BICC1: variants seen among roughly 807,000 people sequenced by gnomAD.
BICC1 encodes BicC family RNA binding protein 1, also known as protein bicaudal C homolog 1.
Under a neutral mutation model 111.0 loss-of-function variants are expected in BICC1, and 43 were observed. The observed-to-expected ratio is 0.39, with a 90% CI of 0.30 to 0.50. BICC1 has a LOEUF of 0.50. Ranked by LOEUF, BICC1 falls within the 20% of genes least tolerant of loss-of-function variation. The pLI is 0.88. For synonymous variants in BICC1, 467 were observed against 434.4 expected, an observed-to-expected ratio of 1.07 and a Z score of -0.93; for missense variants, 1,091 against 1,203.2, an observed-to-expected ratio of 0.91 and a Z score of 1.38.
intron 3 of BICC1, among the ~76,000 whole-genome samples, chr10:58,751,224 A>G (rs1209825226): frequency 1.3e-5 from 2 of 152,070 alleles, no homozygotes; most frequent in African/African-American, 2.4e-5. Flanking sequence ...TTTTTAAATC[A>G]CCCATGCCTG....
At chr10:58,769,300 A>T (rs77416659) in intron 3 of BICC1, among the ~76,000 whole-genome samples, 1 of 150,688 alleles carries the variant, frequency 6.6e-6, no homozygotes, top group Non-Finnish European at 1.5e-5. Flanking sequence ...ACACACACAC[A>T]CACACACATG....
intron 2 of BICC1, among the ~76,000 whole-genome samples, chr10:58,635,613 C>T (rs933007668): frequency 6.6e-6 from 1 of 152,186 alleles, no homozygotes; most frequent in African/African-American, 2.4e-5. Context: ...CTCAGAATTT[C>T]TCTGACAACT....
intron 3 of BICC1, among the ~76,000 whole-genome samples, chr10:58,758,791 TTAAGTTCTG>T (rs1443012144): frequency 6.6e-6 from 1 of 152,172 alleles, no homozygotes; most frequent in Non-Finnish European, 1.5e-5. Flanking sequence ...TAAAGCTCTG[TTAAGTTCTG>T]TAAAGTCTGA....
intron 1 of BICC1, among the ~76,000 whole-genome samples, chr10:58,557,310 TG>T (rs1843477636): frequency 6.6e-6 from 1 of 151,230 alleles, no homozygotes; most frequent in Non-Finnish European, 1.5e-5. Flanking sequence ...TCTTTAACAT[TG>T]GTTTTAAGCA....
intron 3 of BICC1, among the ~76,000 whole-genome samples, chr10:58,722,765 G>C (rs1335252440): frequency 6.6e-6 from 1 of 152,204 alleles, no homozygotes; most frequent in Non-Finnish European, 1.5e-5. Flanking sequence ...TGGTGCATCA[G>C]TGGGTTGAGG....
intron 2 of BICC1, among the ~76,000 whole-genome samples, chr10:58,682,091 C>A (rs1405730484): frequency 7.0e-6 from 1 of 143,410 alleles, no homozygotes; most frequent in Admixed American, 7.4e-5. Flanking sequence ...TTGTTCAGTT[C>A]CCACCTGTGA....
chr10:58,803,119 C>CGAA lies in BICC1; in HGVS notation c.2059_2061dup (p.Glu687dup). ...TCTCAGACCCTGAACTGAGTGCTAC[C>CGAA]GAAAGCCCTTTGGCTGACAAGAAGG... On this transcript the variant is annotated inframe_insertion, in exon 15 of 21. Coordinates refer to ENST00000373886, the MANE Select transcript of BICC1 (RefSeq NM_001080512.3). 1 of 1,609,232 alleles carries CGAA rather than the reference C, an allele frequency of 6.2e-7. No individual in the cohort carries two copies. Among genetic ancestry groups the CGAA allele is most frequent in the Non-Finnish European group, 8.5e-7 (1 of 1,177,680 alleles).
chr10:58,602,437 C>T (rs1845071425), intron 1 of BICC1, among the ~76,000 whole-genome samples: 1 of 152,044 alleles, frequency 6.6e-6, no homozygotes, highest in African/African-American at 2.4e-5. Flanking sequence ...GAAATGAAAA[C>T]CATATTTAAA....
intron 1 of BICC1, among the ~76,000 whole-genome samples, chr10:58,605,382 C>G (rs1422196727): frequency 1.3e-5 from 2 of 152,200 alleles, no homozygotes; most frequent in African/African-American, 4.8e-5. Flanking sequence ...TCTCCCCATT[C>G]ATTACCTTTA....
chr10:58,561,501 T>C (rs920335004), intron 1 of BICC1, among the ~76,000 whole-genome samples: 2 of 152,050 alleles, frequency 1.3e-5, no homozygotes, highest in African/African-American at 4.8e-5. Context: ...TAAAAAAATC[T>C]ATTCAGCAAC....
intron 1 of BICC1, among the ~76,000 whole-genome samples, chr10:58,579,740 G>C (rs193052189): frequency 2.0e-3 from 302 of 152,304 alleles, no homozygotes; most frequent in Admixed American, 5.2e-3. Flanking sequence ...AGTTGGCTGA[G>C]TTAATCTGCT....
intron 20 of BICC1, chr10:58,823,824 C>T (rs61861308): frequency 0.084 from 82,494 of 984,712 alleles, 3,724 homozygotes; most frequent in East Asian, 0.12. Flanking sequence ...TTATTCTTAA[C>T]GCTTCTATAA....
intron 2 of BICC1, among the ~76,000 whole-genome samples, chr10:58,700,259 G>A (rs1840191121): frequency 6.6e-6 from 1 of 152,158 alleles, no homozygotes; most frequent in African/African-American, 2.4e-5. Flanking sequence ...CAAGATGGCA[G>A]CTGAAGTCTG....
At chr10:58,808,319 A>G (rs1843778457) in intron 17 of BICC1, among the ~76,000 whole-genome samples, 1 of 152,202 alleles carries the variant, frequency 6.6e-6, no homozygotes, top group African/African-American at 2.4e-5. Context: ...CCTTTTGTTA[A>G]CAGAGACCAT....
At chr10:58,780,852 C>T (rs542357279) in intron 3 of BICC1, among the ~76,000 whole-genome samples, 13 of 152,276 alleles carry the variant, frequency 8.5e-5, no homozygotes, top group Non-Finnish European at 1.3e-4. Context: ...TATTGAAATA[C>T]TTTATTTTTA....
intron 20 of BICC1, among the ~76,000 whole-genome samples, chr10:58,821,165 A>C (rs1844241156): frequency 6.6e-6 from 1 of 152,182 alleles, no homozygotes; most frequent in Non-Finnish European, 1.5e-5. Flanking sequence ...AATGAACCTC[A>C]AAAAAGCGTT....
intron 2 of BICC1, among the ~76,000 whole-genome samples, chr10:58,642,301 G>C (rs1402746685): frequency 6.6e-6 from 1 of 152,054 alleles, no homozygotes; most frequent in Admixed American, 6.6e-5. Context: ...AGAGGCTGGG[G>C]GTGTTTTCAT....
intron 1 of BICC1, among the ~76,000 whole-genome samples, chr10:58,554,964 A>G (rs1843402839): frequency 6.6e-6 from 1 of 151,878 alleles, no homozygotes; most frequent in Non-Finnish European, 1.5e-5. Context: ...CTGATCAAGA[A>G]CATATTAAAT....
At chr10:58,554,639 T>C (rs1363325422) in intron 1 of BICC1, among the ~76,000 whole-genome samples, 1 of 152,094 alleles carries the variant, frequency 6.6e-6, no homozygotes, top group Non-Finnish European at 1.5e-5. Context: ...GTGTGTTTAC[T>C]AGAACAGCAT....
Sources: allele counts gnomAD v4.1 joint callset (sites outside exome capture counted in the v4.1 genomes callset), GRCh38; gene constraint gnomAD v4.1.1; transcripts MANE v1.5; gene names NCBI Gene and HGNC (gene_info 2026-07-23, HGNC 2026-07-21).